The following MYPN variants were observed in gnomAD, a reference collection of about 807,000 sequenced individuals.
MYPN encodes the protein sarcomeric protein myopalladin, 145 kDa (MYOP).
Under a neutral mutation model 129.4 loss-of-function variants are expected in MYPN, and 63 were observed. The ratio of observed to expected loss-of-function variants is 0.49; its 90% confidence interval spans 0.40 to 0.60. The LOEUF (loss-of-function observed/expected upper bound fraction) is 0.60, where lower values mean the gene tolerates loss of function less well. MYPN is among the 20% of genes least tolerant of loss of function. The probability of loss-of-function intolerance (pLI) is 0.00; values close to 1 mark genes in which losing one functional copy is unlikely to be tolerated. For missense variants in MYPN, 1,596 were observed against 1,635.4 expected (o/e 0.98, Z 0.42); for synonymous variants, 629 against 600.9 (o/e 1.05, Z -0.68).
At chr10:68,098,048 C>T (rs1352811546) in intron 1 of MYPN, among the ~76,000 whole-genome samples, 1 of 152,084 alleles carries the variant, frequency 6.6e-6, no homozygotes, top group African/African-American at 2.4e-5. Flanking sequence ...GAATTCCAGA[C>T]TAGCCAGGGC....
intron 1 of MYPN, among the ~76,000 whole-genome samples, chr10:68,119,568 G>A (rs1198196087): frequency 7.9e-5 from 12 of 151,832 alleles, no homozygotes; most frequent in African/African-American, 7.2e-5. Context: ...CCACCACCAC[G>A]CCCAGCTAAT....
chr10:68,201,946 A>C lies in MYPN; in HGVS notation c.3611A>C (p.Tyr1204Ser), dbSNP rs1267268782. Reference sequence around the variant, plus strand: ...ATAGGCATGCCCCCACCTGTGTTCTACTGGAAGAAAGACAATGAGACCATC... The same window carrying C: ...ATAGGCATGCCCCCACCTGTGTTCTCCTGGAAGAAAGACAATGAGACCATC... ...RVIGMPPPVF[Y>S]WKKDNETIPC... The change falls in exon 18 of 20, where the codon TAC becomes TCC. Residue 1204 changes from tyrosine to serine, a missense_variant. Tyr to Ser is a moderately radical substitution (Grantham distance 144). Coordinates refer to ENST00000358913, the MANE Select transcript of MYPN (RefSeq NM_032578.4). 6.2e-7 allele frequency: 1 copy of C among 1,613,954 alleles called. No individual in the cohort carries two copies. The highest frequency in any genetic ancestry group is 1.3e-5 in the African/African-American group (1 of 74,902).
upstream of MYPN, among the ~76,000 whole-genome samples, chr10:68,102,282 G>T (rs182182083): frequency 4.0e-5 from 6 of 151,450 alleles, no homozygotes; most frequent in Admixed American, 3.3e-4. Flanking sequence ...ACACCACCAC[G>T]CCCAGCTAAT....
At chr10:68,168,607 A>G (rs75449519) in intron 10 of MYPN, among the ~76,000 whole-genome samples, 19,700 of 152,154 alleles carry the variant, frequency 0.13, 1,695 homozygotes, top group Middle Eastern at 0.22. Context: ...GAAGACAAAC[A>G]TTGGTTTGGC....
At chr10:68,161,109 T>G (rs1326384971) in intron 7 of MYPN, among the ~76,000 whole-genome samples, 1 of 152,226 alleles carries the variant, frequency 6.6e-6, no homozygotes, top group African/African-American at 2.4e-5. Context: ...GAGTCATTTC[T>G]GAAATATAAC....
rs17535935 is a variant in MYPN, at chr10:68,145,841, T to C, written c.1130+315T>C. 9.7e-3 allele frequency among the ~76,000 whole-genome samples: 1,471 copies of C among 152,338 alleles called. 15 individuals carry two copies. Among genetic ancestry groups the C allele is most frequent in the Non-Finnish European group, 0.015 (994 of 68,030 alleles). On this transcript the variant is annotated intron_variant, in intron 4 of 19. Transcript: ENST00000358913. ...AATTTGCTTCTAGCTTTTGTGCAGA[T>C]ACGAACATTCATAACCAGAGTAAAT...
At chr10:68,129,004 CT>C (rs1238808614) in intron 2 of MYPN, among the ~76,000 whole-genome samples, 17 of 147,342 alleles carry the variant, frequency 1.2e-4, no homozygotes, top group East Asian at 2.0e-4. Context: ...CTCTCTCTCT[CT>C]TTTTTTTTTA....
chr10:68,129,448 C>T (rs1424875899), intron 2 of MYPN, among the ~76,000 whole-genome samples: 2 of 152,078 alleles, frequency 1.3e-5, no homozygotes, highest in South Asian at 2.1e-4. Flanking sequence ...GTTTTCATTG[C>T]TATGCAGTAT....
intron 3 of MYPN, among the ~76,000 whole-genome samples, chr10:68,144,681 C>T (rs960894795): frequency 6.6e-6 from 1 of 152,122 alleles, no homozygotes; most frequent in African/African-American, 2.4e-5. Context: ...TTAAACACCC[C>T]CTCTCTCACA....
intron 2 of MYPN, among the ~76,000 whole-genome samples, chr10:68,123,244 AAC>A (rs2042274216): frequency 6.6e-6 from 1 of 152,078 alleles, no homozygotes; most frequent in African/African-American, 2.4e-5. Context: ...CGGGCGTGGT[AAC>A]AGGCATCTGT....
intron 12 of MYPN, among the ~76,000 whole-genome samples, chr10:68,179,216 C>T (rs1367638965): frequency 6.6e-6 from 1 of 152,146 alleles, no homozygotes; most frequent in East Asian, 1.9e-4. Context: ...GCCATTCATT[C>T]CCTTTCTAAC....
chr10:68,165,661 C>A (rs770094574), intron 8 of MYPN, 41 bp from the exon 9 acceptor site: 18 of 1,410,088 alleles, frequency 1.3e-5, no homozygotes, highest in Non-Finnish European at 1.8e-5. Context: ...ATTCTGTTTT[C>A]ATAATGAAGT....
chr10:68,110,604 C>T (rs1384892078), intron 1 of MYPN, among the ~76,000 whole-genome samples: 4 of 152,088 alleles, frequency 2.6e-5, no homozygotes, highest in African/African-American at 9.7e-5. Flanking sequence ...ATTACTTTTA[C>T]TTTAGTAATA....
chr10:68,158,589 TA>T lies in MYPN; in HGVS notation c.1423del (p.Ile475Ter). 6.2e-7 allele frequency: 1 copy of T among 1,601,068 alleles called. No individual in the cohort carries two copies. Among genetic ancestry groups the T allele is most frequent in the Non-Finnish European group, 8.6e-7 (1 of 1,168,436 alleles). On this transcript the variant is annotated frameshift_variant, in exon 7 of 20. Coordinates refer to ENST00000358913, the MANE Select transcript of MYPN (RefSeq NM_032578.4). LOFTEE classifies it high-confidence loss of function. ...PKVEWYREGTLIEDSPDFRIL... is the reference protein window; with the variant it reads ...PKVEWYREGTXIEDSPDFRIL... ...GTTGAGTGGTATAGAGAAGGGACTT[TA>T]ATAGAAGATTCTCCAGATTTTAGGA... is the stretch of plus-strand genomic sequence containing the variant.
At chr10:68,201,700 G>A in intron 17 of MYPN, 129 bp from the exon 18 acceptor site, 1 of 988,800 alleles carries the variant, frequency 1.0e-6, no homozygotes, top group Non-Finnish European at 1.5e-6. Context: ...CCTGGCAGGG[G>A]AGGGGTGCAG....
intron 1 of MYPN, among the ~76,000 whole-genome samples, chr10:68,110,173 T>C (rs1420940942): frequency 6.6e-6 from 1 of 152,222 alleles, no homozygotes; most frequent in East Asian, 1.9e-4. Flanking sequence ...TATTTAGTGT[T>C]GGGAGATCTG....
At position 68,174,189 on chromosome 10, in the gene MYPN, T is replaced by TC; in HGVS notation, c.2102dup (p.Ala702SerfsTer7). On this transcript the variant is annotated frameshift_variant, in exon 11 of 20. Transcript: ENST00000358913. LOFTEE classifies it high-confidence loss of function. ...GCATGACTGTTTTGAACTCCAATGC[T>TC]CCCCCAGCGGTGACAACATCCAGTA... The TC allele has an allele frequency of 6.2e-7, 1 of 1,613,796 alleles. No individual in the cohort carries two copies. Among genetic ancestry groups the TC allele is most frequent in the Non-Finnish European group, 8.5e-7 (1 of 1,179,904 alleles).
intron 12 of MYPN, among the ~76,000 whole-genome samples, chr10:68,182,419 T>C (rs1445247211): frequency 1.0e-5 from 1 of 96,392 alleles, no homozygotes; most frequent in African/African-American, 2.9e-5. Flanking sequence ...ATATATAACA[T>C]ATATATAACA....
At chr10:68,209,290 A>G (rs890624633) in intron 19 of MYPN, among the ~76,000 whole-genome samples, 2 of 152,232 alleles carry the variant, frequency 1.3e-5, no homozygotes, top group Non-Finnish European at 1.5e-5. Flanking sequence ...CCTTAAAGTC[A>G]TATCTGCTAA....
Sources: gnomAD v4.1 joint callset for allele counts (sites outside exome capture counted in the v4.1 genomes callset) on GRCh38, gnomAD v4.1.1 for gene constraint, MANE v1.5 for transcripts, NCBI Gene and HGNC (gene_info 2026-07-23, HGNC 2026-07-21) for gene names.